RAF1: variants seen among roughly 807,000 people sequenced by gnomAD.
The protein encoded by RAF1 is RAF proto-oncogene serine/threonine-protein kinase.
Under a neutral mutation model 81.1 loss-of-function variants are expected in RAF1, and 27 were observed. The observed-to-expected ratio is 0.33, with a 90% CI of 0.25 to 0.46. RAF1 has a LOEUF of 0.46. Among genes scored for constraint, RAF1 ranks in the 20% least tolerant of loss-of-function variants. The pLI, the probability that RAF1 is intolerant of heterozygous loss-of-function variation, is 1.00. For synonymous variants in RAF1, 298 were observed against 294.0 expected (o/e 1.01, Z -0.14); for missense variants, 598 against 826.0 (o/e 0.72, Z 3.38).
chr3:12,592,893 G>A (rs895240518), intron 11 of RAF1, among the ~76,000 whole-genome samples: 9 of 151,420 alleles, frequency 5.9e-5, no homozygotes, highest in African/African-American at 2.2e-4. Context: ...CCGCCACCAC[G>A]TCTGGCTAAT....
rs2125380292 is a variant in RAF1, at chr3:12,600,188, C to G, written c.1014G>C (p.Arg338=). 6.2e-7 allele frequency: 1 copy of G among 1,614,142 alleles called. No homozygotes were observed. The highest frequency in any genetic ancestry group is 1.1e-5 in the South Asian group (1 of 91,086). ...TCTCCTGGGTCCCAGATACTGGTGCCCGCTCTCTTTGTGCTGGCACGGGGG... is the reference window on the plus strand; with the variant it reads ...TCTCCTGGGTCCCAGATACTGGTGCGCGCTCTCTTTGTGCTGGCACGGGGG... Residue 338 remains arginine, a synonymous_variant, in exon 10 of 18, where the codon CGG becomes CGC. Coordinates refer to ENST00000442415, the MANE Select transcript of RAF1 (RefSeq NM_001354689.3).
intron 1 of RAF1, among the ~76,000 whole-genome samples, chr3:12,657,628 G>A (rs1383490940): frequency 3.3e-5 from 5 of 151,818 alleles, no homozygotes; most frequent in Admixed American, 6.6e-5. Flanking sequence ...AAAATTAGTC[G>A]GGCATGGTGG....
intron 1 of RAF1, among the ~76,000 whole-genome samples, chr3:12,624,677 G>C (rs780063242): frequency 1.3e-4 from 20 of 152,100 alleles, no homozygotes; most frequent in Non-Finnish European, 2.5e-4. Context: ...GGAGAAATTT[G>C]TCATGTTGGA....
intron 1 of RAF1, among the ~76,000 whole-genome samples, chr3:12,663,315 A>C (rs1396690051): frequency 1.3e-5 from 2 of 152,196 alleles, no homozygotes; most frequent in African/African-American, 4.8e-5. Flanking sequence ...GATACCCAAG[A>C]AGAGGCCCCT....
chr3:12,626,651 G>T (rs1449757199), intron 1 of RAF1, among the ~76,000 whole-genome samples: 1 of 151,668 alleles, frequency 6.6e-6, no homozygotes, highest in Non-Finnish European at 1.5e-5. Flanking sequence ...TGATACTTTG[G>T]TAACAAAAAG....
chr3:12,615,682 C>CA (rs1241307707), intron 2 of RAF1, among the ~76,000 whole-genome samples: 1 of 152,160 alleles, frequency 6.6e-6, no homozygotes, highest in Non-Finnish European at 1.5e-5. Flanking sequence ...TAGGAGAAGT[C>CA]AAGCTTGGCT....
At chr3:12,595,651 G>A (rs1348010202) in intron 11 of RAF1, among the ~76,000 whole-genome samples, 1 of 151,844 alleles carries the variant, frequency 6.6e-6, no homozygotes, top group African/African-American at 2.4e-5. Context: ...GGTCCACTTT[G>A]CACTTGATGT....
chr3:12,598,153 G>A (rs1251139117), intron 11 of RAF1, among the ~76,000 whole-genome samples: 1 of 151,454 alleles, frequency 6.6e-6, no homozygotes, highest in Admixed American at 6.6e-5. Context: ...CAAGTAGCTG[G>A]GACTACAGGC....
intron 3 of RAF1, among the ~76,000 whole-genome samples, chr3:12,611,289 C>T (rs1338096603): frequency 6.6e-6 from 1 of 152,026 alleles, no homozygotes; most frequent in Admixed American, 6.6e-5. Context: ...ACAATCATGA[C>T]TCACTGCAGC....
chr3:12,650,354 T>C (rs891602591), intron 1 of RAF1, among the ~76,000 whole-genome samples: 2 of 151,966 alleles, frequency 1.3e-5, no homozygotes, highest in African/African-American at 2.4e-5. Context: ...CATAATTATA[T>C]ACCAAAGCAT....
At chr3:12,636,458 T>G (rs1184863521) in intron 1 of RAF1, among the ~76,000 whole-genome samples, 4 of 107,914 alleles carry the variant, frequency 3.7e-5, no homozygotes. Flanking sequence ...AAAAAAAAAC[T>G]GATTGATTAC....
At chr3:12,610,039 CA>C (rs1559435441) in intron 3 of RAF1, among the ~76,000 whole-genome samples, 2 of 152,132 alleles carry the variant, frequency 1.3e-5, no homozygotes, top group Non-Finnish European at 2.9e-5. Context: ...GTCTATAAGT[CA>C]ATGAGAAACT....
At chr3:12,658,965 C>G (rs1315227672) in intron 1 of RAF1, among the ~76,000 whole-genome samples, 1 of 152,088 alleles carries the variant, frequency 6.6e-6, no homozygotes, top group East Asian at 1.9e-4. Flanking sequence ...AGAAGAAAGG[C>G]AAACAGATGT....
chr3:12,587,568 T>C, intron 14 of RAF1, 23 bp downstream of exon 13: 1 of 1,596,266 alleles, frequency 6.3e-7, no homozygotes, highest in Non-Finnish European at 8.6e-7. Context: ...AGCAGTCAAA[T>C]GAACTCAACA....
Position 12,604,253 on chromosome 3 carries a change from G to A in RAF1, c.717C>T (p.Thr239=). The A allele has an allele frequency of 6.2e-7, 1 of 1,614,168 alleles. No individual in the cohort carries two copies. The highest frequency in any genetic ancestry group is 8.5e-7 in the Non-Finnish European group (1 of 1,180,032). The change falls in exon 7 of 18, where the codon ACC becomes ACT. Residue 239 remains threonine, a synonymous_variant. Coordinates refer to ENST00000442415, the MANE Select transcript of RAF1 (RefSeq NM_001354689.3). ...CAGATGAGGGACTGGAGGTGTTAAAGGTGAAGGCGTGAGGTGTAGAATATC... is the reference window on the plus strand; with the variant it reads ...CAGATGAGGGACTGGAGGTGTTAAAAGTGAAGGCGTGAGGTGTAGAATATC...
chr3:12,622,415 C>A (rs1344544264), intron 1 of RAF1, among the ~76,000 whole-genome samples: 1 of 152,198 alleles, frequency 6.6e-6, no homozygotes, highest in East Asian at 1.9e-4. Context: ...CGTCTAAAGG[C>A]CTTCTTTCGT....
intron 1 of RAF1, among the ~76,000 whole-genome samples, chr3:12,625,919 T>A (rs576245564): frequency 6.6e-6 from 1 of 152,068 alleles, no homozygotes; most frequent in South Asian, 2.1e-4. Flanking sequence ...AAGTACTATA[T>A]GCGTAGTATA....
At chr3:12,647,369 G>A (rs2060385262) in intron 1 of RAF1, among the ~76,000 whole-genome samples, 2 of 151,780 alleles carry the variant, frequency 1.3e-5, no homozygotes, top group Admixed American at 6.6e-5. Context: ...GAGAGGTTGA[G>A]GCAAGCAGAC....
chr3:12,651,418 G>A (rs2060521235), intron 1 of RAF1, among the ~76,000 whole-genome samples: 1 of 152,184 alleles, frequency 6.6e-6, no homozygotes, highest in African/African-American at 2.4e-5. Context: ...TGGATCACCT[G>A]AGGTCCAGAG....
Sources: gnomAD v4.1 joint callset for allele counts (sites outside exome capture counted in the v4.1 genomes callset) on GRCh38, gnomAD v4.1.1 for gene constraint, MANE v1.5 for transcripts, NCBI Gene and HGNC (gene_info 2026-07-23, HGNC 2026-07-21) for gene names.